The following FAM13B variants were observed in gnomAD, a reference collection of about 807,000 sequenced individuals.
FAM13B encodes family with sequence similarity 13 member B.
FAM13B carries 60 observed loss-of-function variants against 117.3 expected under a neutral mutation model. The ratio of observed to expected loss-of-function variants is 0.51; its 90% CI spans 0.42 to 0.63. The LOEUF (loss-of-function observed/expected upper bound fraction) is 0.63. Ranked by LOEUF, FAM13B falls within the 30% of genes least tolerant of loss-of-function variation. The pLI is 0.00. For synonymous variants in FAM13B, 332 were observed against 356.1 expected (o/e 0.93, Z 0.76); for missense variants, 972 against 1,091.9 (o/e 0.89, Z 1.55).
chr5:138,007,190 C>T lies in FAM13B; in HGVS notation c.691-43G>A, dbSNP rs1377581325. On this transcript the variant is annotated intron_variant, in intron 6 of 23. Coordinates refer to ENST00000689681, the MANE Select transcript of FAM13B (RefSeq NM_001385994.1). ...AATTCAGAATTAAAATGTAATGAAA[C>T]CGTTAACACATCTAAGACATACTAT... 4.9e-6 allele frequency: 7 copies of T among 1,417,602 alleles called. No homozygotes were observed. In the Admixed American group the frequency reaches 9.9e-5, roughly 20 times the overall value. The allele number at this position is 1,417,602 out of a possible 1,614,324, so 87.8% of individuals were successfully genotyped here.
At chr5:137,959,508 C>G in intron 13 of FAM13B, 108 bp downstream of exon 13, 1 of 1,138,994 alleles carries the variant, frequency 8.8e-7, no homozygotes, top group Non-Finnish European at 1.3e-6. Context: ...AACAGAAGAT[C>G]AAGATGAATA....
At chr5:138,040,514 G>A (rs1169163041) in intron 1 of FAM13B, among the ~76,000 whole-genome samples, 17 of 152,124 alleles carry the variant, frequency 1.1e-4, no homozygotes, top group Admixed American at 1.3e-4. Context: ...GGAGATTACC[G>A]TGAGCCGAGA....
chr5:137,952,696 T>TCA lies in FAM13B; in HGVS notation c.1860_1861dup (p.Asp621ValfsTer10). The TCA allele has an allele frequency of 6.2e-7, 1 of 1,605,524 alleles. No individual in the cohort carries two copies. The highest frequency in any genetic ancestry group is 8.5e-7 in the Non-Finnish European group (1 of 1,175,712). ...TAATACCTTTGGATTGGCAGCAATA[T>TCA]CACTGTAGGAGGGCTGAAAAATTAT... On this transcript the variant is annotated frameshift_variant, in exon 17 of 24. Coordinates refer to ENST00000689681, the MANE Select transcript of FAM13B (RefSeq NM_001385994.1). LOFTEE classifies it high-confidence loss of function.
chr5:137,953,967 A>C (rs564388070), intron 15 of FAM13B, among the ~76,000 whole-genome samples, 199 bp downstream of exon 15: 1 of 152,242 alleles, frequency 6.6e-6, no homozygotes, highest in Admixed American at 6.5e-5. Context: ...AAAAAAACCA[A>C]AACTTACAAA....
At chr5:138,022,979 C>G (rs1787181751) in intron 1 of FAM13B, among the ~76,000 whole-genome samples, 1 of 151,988 alleles carries the variant, frequency 6.6e-6, no homozygotes, top group South Asian at 2.1e-4. Flanking sequence ...ATGTACACAC[C>G]ACCATACCCA....
chr5:137,941,873 A>G, intron 23 of FAM13B, 71 bp downstream of exon 23: 2 of 1,277,504 alleles, frequency 1.6e-6, no homozygotes, highest in Non-Finnish European at 2.2e-6. Context: ...CACGTATTCC[A>G]TTATTTCAAC....
At chr5:137,943,241 G>A (rs768437246) in intron 20 of FAM13B, 25 bp from the exon 21 acceptor site, 10 of 1,570,992 alleles carry the variant, frequency 6.4e-6, no homozygotes, top group Non-Finnish European at 8.7e-6. Context: ...AATATAAATA[G>A]TTTTACATTT....
chr5:138,000,085 T>A (rs543506327), intron 7 of FAM13B, among the ~76,000 whole-genome samples: 2 of 152,288 alleles, frequency 1.3e-5, no homozygotes, highest in Admixed American at 6.5e-5. Context: ...TTAAAAAAAA[T>A]TACACTAATA....
In FAM13B at chr5:137,939,469, C is replaced by T. The variant is rs1199897206; in HGVS notation, c.*756G>A. Reference sequence around the variant, plus strand: ...AATCACACCATTGCCAGCGGATAAACAGTAACTCAGGAAACAGTAACTGAA... The same window carrying T: ...AATCACACCATTGCCAGCGGATAAATAGTAACTCAGGAAACAGTAACTGAA... On this transcript the variant is annotated 3_prime_UTR_variant, in exon 24 of 24. Coordinates refer to ENST00000689681, the MANE Select transcript of FAM13B (RefSeq NM_001385994.1). 1 of 152,848 alleles carries T rather than the reference C, an allele frequency of 6.5e-6. No homozygotes were observed. The highest frequency in any genetic ancestry group is 1.5e-5 in the Non-Finnish European group (1 of 68,254). 9.5% of individuals were successfully genotyped at this position (152,848 alleles called of 1,614,324 possible).
At chr5:138,000,669 A>G (rs1780995218) in intron 7 of FAM13B, among the ~76,000 whole-genome samples, 1 of 152,150 alleles carries the variant, frequency 6.6e-6, no homozygotes, top group African/African-American at 2.4e-5. Flanking sequence ...GCTTATGCCT[A>G]TAATCAATCC....
Position 138,011,928 on chromosome 5 carries a change from C to A in FAM13B, c.388G>T (p.Glu130Ter). The A allele has an allele frequency of 1.3e-6, 2 of 1,585,378 alleles. No individual in the cohort carries two copies. Among genetic ancestry groups the A allele is most frequent in the South Asian group, 1.2e-5 (1 of 85,870 alleles). The change falls in exon 5 of 24, where the codon GAA becomes TAA. Residue 130 changes from glutamate (E) to a stop codon, truncating the protein, a stop_gained. Transcript: ENST00000689681. LOFTEE classifies it high-confidence loss of function. ...QLSQDYNNED[E>*]FGRKLRFLLQ... is the part of the protein sequence containing the mutation. ...AGGAACCTCAACTTTCTTCCAAATT[C>A]ATCTTCATTATTATAATCTATAAAA...
chr5:137,974,589 C>A (rs2150435042), intron 10 of FAM13B, among the ~76,000 whole-genome samples: 1 of 147,754 alleles, frequency 6.8e-6, no homozygotes, highest in South Asian at 2.2e-4. Flanking sequence ...TGCACATGTA[C>A]CCTAAAACTT....
At chr5:137,969,189 C>T (rs1251430090) in intron 10 of FAM13B, among the ~76,000 whole-genome samples, 1 of 152,220 alleles carries the variant, frequency 6.6e-6, no homozygotes, top group Non-Finnish European at 1.5e-5. Context: ...CAGCAGTAAC[C>T]TCTGCAGACT....
chr5:138,047,322 G>A (rs1197121382), intron 1 of FAM13B, among the ~76,000 whole-genome samples: 1 of 151,248 alleles, frequency 6.6e-6, no homozygotes, highest in African/African-American at 2.4e-5. Flanking sequence ...CTGACTAACA[G>A]GGTGAAACCC....
chr5:137,996,534 A>C (rs1779907548), intron 7 of FAM13B, among the ~76,000 whole-genome samples: 1 of 152,106 alleles, frequency 6.6e-6, no homozygotes, highest in Non-Finnish European at 1.5e-5. Context: ...TCAGAAACCA[A>C]TGAACTCACA....
At chr5:137,978,120 C>A (rs1259046309) in intron 10 of FAM13B, among the ~76,000 whole-genome samples, 1 of 151,916 alleles carries the variant, frequency 6.6e-6, no homozygotes, top group East Asian at 1.9e-4. Context: ...TTACTTGGGC[C>A]TTTAAAATAA....
chr5:138,024,922 G>C lies in FAM13B; in HGVS notation c.-202-3725C>G, dbSNP rs188694575. On this transcript the variant is annotated intron_variant, in intron 1 of 23. Transcript: ENST00000689681. ...GTCTTACTCTGTCACCCAGGCTAGAGTGCAGTGGCATGATCTCAGCTCACT... is the reference window on the plus strand; with the variant it reads ...GTCTTACTCTGTCACCCAGGCTAGACTGCAGTGGCATGATCTCAGCTCACT... 9.7e-3 allele frequency among the ~76,000 whole-genome samples: 1,478 copies of C among 151,892 alleles called. 9 individuals are homozygous for C. Among genetic ancestry groups the C allele is most frequent in the Non-Finnish European group, 0.015 (1,038 of 67,942 alleles).
chr5:137,991,900 A>G (rs1778684142), intron 7 of FAM13B, among the ~76,000 whole-genome samples: 1 of 152,182 alleles, frequency 6.6e-6, no homozygotes, highest in Non-Finnish European at 1.5e-5. Context: ...CACAGGAGGA[A>G]AAGAGTGATA....
intron 18 of FAM13B, among the ~76,000 whole-genome samples, chr5:137,948,527 G>C (rs1227120625): frequency 6.6e-6 from 1 of 152,064 alleles, no homozygotes; most frequent in Non-Finnish European, 1.5e-5. Context: ...CAAGTAACTG[G>C]AACTACAGGT....
Sources: gnomAD v4.1 joint callset for allele counts (sites outside exome capture counted in the v4.1 genomes callset) on GRCh38, gnomAD v4.1.1 for gene constraint, MANE v1.5 for transcripts, NCBI Gene and HGNC (gene_info 2026-07-23, HGNC 2026-07-21) for gene names.